SPMIP7: variants seen among roughly 807,000 people sequenced by gnomAD.
SPMIP7 encodes sperm microtubule inner protein 7, also known as protein SPMIP7.
the SPMIP7 span, among the ~76,000 whole-genome samples, chr7:50,126,176 C>T: frequency 1.3e-5 from 2 of 151,756 alleles, no homozygotes; most frequent in East Asian, 1.9e-4. Flanking sequence ...AAGTGATAGA[C>T]CTATTGTTAG....
the SPMIP7 span, among the ~76,000 whole-genome samples, chr7:50,103,068 T>A: frequency 5.6e-3 from 735 of 130,938 alleles, 16 homozygotes; most frequent in South Asian, 0.077. Context: ...ATATATATAA[T>A]ATATATAATA....
At chr7:50,125,215 TAC>T in the SPMIP7 span, among the ~76,000 whole-genome samples, 62 of 88,966 alleles carry the variant, frequency 7.0e-4, 2 homozygotes, top group African/African-American at 2.7e-3. Context: ...CACATATATA[TAC>T]ACATATATAC....
At chr7:50,096,716 G>T in the SPMIP7 span, 2 of 1,142,824 alleles carry the variant, frequency 1.8e-6, no homozygotes. Context: ...CAATATTTAG[G>T]CAGTTAAATT....
At chr7:50,104,073 G>A in the SPMIP7 span, among the ~76,000 whole-genome samples, 1 of 152,016 alleles carries the variant, frequency 6.6e-6, no homozygotes, top group Non-Finnish European at 1.5e-5. Flanking sequence ...TACCAAATAG[G>A]TATCTTCTAA....
chr7:50,136,379 C>T, the SPMIP7 span, among the ~76,000 whole-genome samples: 2 of 152,000 alleles, frequency 1.3e-5, no homozygotes, highest in Admixed American at 6.6e-5. Context: ...TTCTCTTTAC[C>T]CTAACCCTAA....
the SPMIP7 span, among the ~76,000 whole-genome samples, chr7:50,113,079 G>A: frequency 0.77 from 116,607 of 151,730 alleles, 45,019 homozygotes; most frequent in East Asian, 0.88. Flanking sequence ...AAACTTTATA[G>A]TACATAGGTA....
At chr7:50,096,296 C>G in the SPMIP7 span, 1 of 1,551,868 alleles carries the variant, frequency 6.4e-7, no homozygotes, top group Non-Finnish European at 8.7e-7. Context: ...TCACCCTTAT[C>G]CCCCTTCAGT....
chr7:50,145,132 G>A, the SPMIP7 span, among the ~76,000 whole-genome samples: 1 of 151,818 alleles, frequency 6.6e-6, no homozygotes, highest in African/African-American at 2.4e-5. Context: ...GCTTGGTGGT[G>A]AGCGCCTGTA....
At chr7:50,122,101 G>T in the SPMIP7 span, among the ~76,000 whole-genome samples, 2 of 152,230 alleles carry the variant, frequency 1.3e-5, no homozygotes, top group South Asian at 2.1e-4. Flanking sequence ...TACATTAAAA[G>T]AAATCCTGCC....
chr7:50,121,796 G>C, the SPMIP7 span, among the ~76,000 whole-genome samples: 1 of 151,478 alleles, frequency 6.6e-6, no homozygotes, highest in Non-Finnish European at 1.5e-5. Context: ...TAGGATTACA[G>C]GCACTTGCCA....
chr7:50,158,575 C>T, the SPMIP7 span, among the ~76,000 whole-genome samples: 1 of 151,590 alleles, frequency 6.6e-6, no homozygotes, highest in African/African-American at 2.4e-5. Flanking sequence ...CGGGTTCCCC[C>T]TATCCATGTC....
At chr7:50,125,157 TATACAC>T in the SPMIP7 span, among the ~76,000 whole-genome samples, 1 of 36,320 alleles carries the variant, frequency 2.8e-5, no homozygotes, top group African/African-American at 1.2e-4. Context: ...CACACATATA[TATACAC>T]ATATATACAC....
the SPMIP7 span, among the ~76,000 whole-genome samples, chr7:50,130,828 C>T: frequency 2.0e-5 from 3 of 152,020 alleles, no homozygotes; most frequent in East Asian, 1.9e-4. Flanking sequence ...AGAGCAAAAG[C>T]CCAGGTCAGA....
chr7:50,124,788 T>C, the SPMIP7 span, among the ~76,000 whole-genome samples: 1 of 152,062 alleles, frequency 6.6e-6, no homozygotes, highest in Non-Finnish European at 1.5e-5. Flanking sequence ...CTAAAATTAA[T>C]GATAATGTTT....
the SPMIP7 span, among the ~76,000 whole-genome samples, chr7:50,127,439 G>GA: frequency 1.9e-3 from 290 of 148,860 alleles, no homozygotes; most frequent in African/African-American, 6.5e-3. Context: ...GCTCTGTACA[G>GA]AAAAAAAAAG....
chr7:50,131,780 G>A, the SPMIP7 span, among the ~76,000 whole-genome samples: 1 of 152,090 alleles, frequency 6.6e-6, no homozygotes, highest in African/African-American at 2.4e-5. Flanking sequence ...GGATAATGGG[G>A]CTGACTAGTG....
chr7:50,119,621 G>A, the SPMIP7 span, among the ~76,000 whole-genome samples: 1 of 152,188 alleles, frequency 6.6e-6, no homozygotes, highest in African/African-American at 2.4e-5. Flanking sequence ...CCTCAAAGGA[G>A]GAGTAGAAAT....
the SPMIP7 span, among the ~76,000 whole-genome samples, chr7:50,137,024 C>T: frequency 1.8e-4 from 27 of 151,970 alleles, no homozygotes; most frequent in Non-Finnish European, 2.9e-4. Context: ...ACTAGTATTC[C>T]GGATTTGACA....
At chr7:50,096,220 AG>A in the SPMIP7 span, 1 of 1,551,806 alleles carries the variant, frequency 6.4e-7, no homozygotes. Context: ...CTTTTGTGAA[AG>A]GTCTTGAGAA....
Sources: allele counts gnomAD v4.1 joint callset (sites outside exome capture counted in the v4.1 genomes callset), GRCh38; gene constraint gnomAD v4.1.1; transcripts MANE v1.5; gene names NCBI Gene and HGNC (gene_info 2026-07-23, HGNC 2026-07-21).